PDCL3: variants seen among roughly 807,000 people sequenced by gnomAD.
PDCL3 encodes the protein phosducin-like protein 3.
In PDCL3, 22 loss-of-function variants were observed where a neutral mutation model predicts 26.5. The observed-to-expected ratio is 0.83, with a 90% confidence interval of 0.59 to 1.19. The LOEUF (loss-of-function observed/expected upper bound fraction) is 1.19. Ranked by LOEUF, PDCL3 falls within the 50% of genes most tolerant of loss-of-function variation. The probability of loss-of-function intolerance (pLI) is 0.00; values close to 1 mark genes in which losing one functional copy is unlikely to be tolerated. For missense variants in PDCL3, 246 were observed against 294.1 expected (o/e 0.84, Z 1.20); for synonymous variants, 81 against 104.9 (o/e 0.77, Z 1.39).
At chr2:100,570,515 A>G (rs1675146806) in intron 4 of PDCL3, among the ~76,000 whole-genome samples, 1 of 133,546 alleles carries the variant, frequency 7.5e-6, no homozygotes, top group Non-Finnish European at 1.5e-5. Context: ...GTCTCACTCC[A>G]TTGACCAGGC....
Position 100,571,807 on chromosome 2 carries a change from T to A in PDCL3, c.577+9T>A. Reference sequence around the variant, plus strand: ...GAACCTGACAAGAGATGGTAAGGGCTCTGGGAGACAGGCGGGGCAGTGAGA... The same window carrying A: ...GAACCTGACAAGAGATGGTAAGGGCACTGGGAGACAGGCGGGGCAGTGAGA... On this transcript the variant is annotated intron_variant, in intron 5 of 5. Transcript: ENST00000264254. 6.2e-7 allele frequency: 1 copy of A among 1,613,902 alleles called. No homozygotes were observed.
chr2:100,567,622 T>G (rs1311649984), intron 2 of PDCL3, among the ~76,000 whole-genome samples: 1 of 152,062 alleles, frequency 6.6e-6, no homozygotes, highest in Non-Finnish European at 1.5e-5. Context: ...AGAAGACATC[T>G]GGGTATTCCT....
At chr2:100,575,196 C>T (rs529756348) in intron 5 of PDCL3, among the ~76,000 whole-genome samples, 12 of 152,244 alleles carry the variant, frequency 7.9e-5, no homozygotes, top group South Asian at 6.2e-4. Flanking sequence ...AGTGCAATGG[C>T]GCGATCTCGG....
chr2:100,563,144 G>A, intron 1 of PDCL3, 71 bp downstream of exon 1: 1 of 1,525,632 alleles, frequency 6.6e-7, no homozygotes, highest in Admixed American at 2.1e-5. Context: ...CGGGCGGGCA[G>A]TGGACGCCCG....
At chr2:100,569,539 G>T in intron 3 of PDCL3, 39 bp from the exon 4 acceptor site, 1 of 1,609,060 alleles carries the variant, frequency 6.2e-7, no homozygotes, top group Non-Finnish European at 8.5e-7. Flanking sequence ...GTGTACACGT[G>T]TTTGTGACGT....
Position 100,563,045 on chromosome 2 carries a change from T to C in PDCL3, c.-23T>C. ...CGGGGGCGCTGCGGCACAGCTGGTT[T>C]GAGCAACTGAACTGGAAACAAGATG... On this transcript the variant is annotated 5_prime_UTR_variant, in exon 1 of 6. Transcript: ENST00000264254. The C allele has an allele frequency of 1.2e-6, 2 of 1,600,824 alleles. No homozygotes were observed. The highest frequency in any genetic ancestry group is 8.5e-7 in the Non-Finnish European group (1 of 1,174,302).
At chr2:100,575,198 C>T (rs546615760) in intron 5 of PDCL3, among the ~76,000 whole-genome samples, 18 of 152,264 alleles carry the variant, frequency 1.2e-4, no homozygotes, top group South Asian at 2.1e-4. Flanking sequence ...TGCAATGGCG[C>T]GATCTCGGCT....
intron 4 of PDCL3, among the ~76,000 whole-genome samples, chr2:100,570,522 A>G (rs1348590813): frequency 7.2e-6 from 1 of 139,694 alleles, no homozygotes; most frequent in African/African-American, 2.7e-5. Flanking sequence ...TCCATTGACC[A>G]GGCTGGAGTG....
chr2:100,566,457 C>T (rs1290359794), intron 1 of PDCL3, 46 bp from the exon 2 acceptor site: 3 of 1,602,306 alleles, frequency 1.9e-6, no homozygotes, highest in Non-Finnish European at 2.6e-6. Context: ...TGGCACCCTA[C>T]ATACTAGACT....
intron 3 of PDCL3, 109 bp downstream of exon 3, chr2:100,569,130 C>T: frequency 1.1e-6 from 1 of 904,890 alleles, no homozygotes. Context: ...GTGACTCATA[C>T]CTGTAGTCCC....
chr2:100,575,453 C>T lies in PDCL3; in HGVS notation c.578-901C>T, dbSNP rs372817003. On this transcript the variant is annotated intron_variant, in intron 5 of 5. Transcript: ENST00000264254. ...CCCGGCCTGGTTTTCAGATTTTAATCGATGTGTCCAGTTAGCAGAACTCTC... is the reference window on the plus strand; with the variant it reads ...CCCGGCCTGGTTTTCAGATTTTAATTGATGTGTCCAGTTAGCAGAACTCTC... Among the ~76,000 whole-genome samples the T allele has an allele frequency of 6.6e-5, 10 of 152,256 alleles. No individual in the cohort carries two copies. The East Asian group carries it at 1.9e-3, about 29-fold the overall frequency.
chr2:100,572,625 C>A (rs1389971453), intron 5 of PDCL3, among the ~76,000 whole-genome samples: 1 of 152,114 alleles, frequency 6.6e-6, no homozygotes, highest in Non-Finnish European at 1.5e-5. Flanking sequence ...TCAAGTGATT[C>A]TCCTGCCTCA....
Sources: gnomAD v4.1 joint callset for allele counts (sites outside exome capture counted in the v4.1 genomes callset) on GRCh38, gnomAD v4.1.1 for gene constraint, MANE v1.5 for transcripts, NCBI Gene and HGNC (gene_info 2026-07-23, HGNC 2026-07-21) for gene names.